EML1: variants seen among roughly 807,000 people sequenced by gnomAD.
The protein encoded by EML1 is echinoderm microtubule-associated protein-like 1.
EML1 carries 27 observed loss-of-function variants against 110.4 expected under a neutral mutation model. The ratio of observed to expected loss-of-function variants is 0.24; its 90% CI spans 0.18 to 0.34. EML1 has a LOEUF of 0.34. Ranked by LOEUF, EML1 falls within the 10% of genes least tolerant of loss-of-function variation. EML1 has a pLI of 1.00. For synonymous variants in EML1, 344 were observed against 385.8 expected (o/e 0.89, Z 1.27); for missense variants, 741 against 1,030.9 (o/e 0.72, Z 3.85).
chr14:99,740,809 A>C (rs1426309326), intron 1 of EML1, among the ~76,000 whole-genome samples: 1 of 152,150 alleles, frequency 6.6e-6, no homozygotes, highest in Non-Finnish European at 1.5e-5. Flanking sequence ...TAGGATCTGT[A>C]AGTGCTTGGC....
chr14:99,806,179 G>T (rs1380462200), intron 1 of EML1, among the ~76,000 whole-genome samples: 3 of 152,142 alleles, frequency 2.0e-5, no homozygotes, highest in Admixed American at 2.0e-4. Flanking sequence ...AAAGCCCTGG[G>T]CAAGAAGTGG....
chr14:99,753,950 G>C (rs1275628303), intron 1 of EML1, among the ~76,000 whole-genome samples: 1 of 152,176 alleles, frequency 6.6e-6, no homozygotes, highest in Non-Finnish European at 1.5e-5. Flanking sequence ...CCACTGCTAG[G>C]CTGCCAGGTG....
chr14:99,925,608 CT>C (rs777882440), intron 17 of EML1, among the ~76,000 whole-genome samples: 16 of 152,226 alleles, frequency 1.1e-4, no homozygotes, highest in Non-Finnish European at 1.5e-4. Context: ...GCACAAATAA[CT>C]TAAGCCAGTA....
rs144920969 is a variant in EML1 at position 99,871,193 on chromosome 14, A to G, written c.383+5547A>G. Among the ~76,000 whole-genome samples, 1,475 of 152,244 alleles carry G rather than the reference A, an allele frequency of 9.7e-3. 30 individuals carry two copies. Among genetic ancestry groups the G allele is most frequent in the African/African-American group, 0.034 (1,397 of 41,542 alleles). On this transcript the variant is annotated intron_variant, in intron 3 of 21. Transcript: ENST00000262233. The stretch of plus-strand genomic sequence containing the variant: ...AAGATGATCTCGATCTCTTGACCTC[A>G]TGATCTGCCCTCCTCGGCCTCTCAA...
intron 4 of EML1, among the ~76,000 whole-genome samples, chr14:99,886,937 C>T (rs945518770): frequency 6.6e-6 from 1 of 152,208 alleles, no homozygotes; most frequent in Admixed American, 6.5e-5. Context: ...ATCCCTGTGC[C>T]CAAAGTCCAC....
intron 1 of EML1, among the ~76,000 whole-genome samples, chr14:99,782,526 C>T (rs923525323): frequency 7.2e-5 from 11 of 152,068 alleles, no homozygotes; most frequent in Non-Finnish European, 1.0e-4. Flanking sequence ...CTCAGTGTGG[C>T]GAAATGTGTG....
chr14:99,778,958 G>A (rs1044489571), intron 1 of EML1, among the ~76,000 whole-genome samples: 1 of 152,150 alleles, frequency 6.6e-6, no homozygotes, highest in Admixed American at 6.5e-5. Context: ...ACAGCTGATG[G>A]ACGTAACATT....
At chr14:99,794,633 T>G (rs1277004042) in intron 1 of EML1, among the ~76,000 whole-genome samples, 1 of 152,252 alleles carries the variant, frequency 6.6e-6, no homozygotes, top group Non-Finnish European at 1.5e-5. Context: ...ATCATCTTGT[T>G]CATGGTAGAA....
At chr14:99,775,551 C>T (rs1202256080) in intron 1 of EML1, among the ~76,000 whole-genome samples, 2 of 152,162 alleles carry the variant, frequency 1.3e-5, no homozygotes, top group African/African-American at 4.8e-5. Flanking sequence ...GTGACAGATC[C>T]CACGCCAGCA....
At chr14:99,917,654 A>T (rs1461703425) in intron 15 of EML1, 128 bp from the exon 16 acceptor site, 9 of 839,042 alleles carry the variant, frequency 1.1e-5, no homozygotes, top group Non-Finnish European at 1.6e-5. Context: ...AGACTTTTCA[A>T]ATAGAGCCAT....
chr14:99,829,055 G>C (rs1157785421), intron 1 of EML1, among the ~76,000 whole-genome samples: 5 of 152,176 alleles, frequency 3.3e-5, no homozygotes, highest in Non-Finnish European at 7.3e-5. Context: ...AGTGTATATA[G>C]GGTTCAGTGC....
chr14:99,745,920 AG>A (rs2057102388), intron 1 of EML1, among the ~76,000 whole-genome samples: 1 of 152,196 alleles, frequency 6.6e-6, no homozygotes, highest in Non-Finnish European at 1.5e-5. Flanking sequence ...CAGGGAATTC[AG>A]CCAGCCTTGG....
intron 9 of EML1, among the ~76,000 whole-genome samples, chr14:99,904,073 G>T (rs977538428): frequency 6.6e-6 from 1 of 152,082 alleles, no homozygotes; most frequent in African/African-American, 2.4e-5. Context: ...GTGAGCCATC[G>T]TGCCTGGCCA....
intron 1 of EML1, among the ~76,000 whole-genome samples, chr14:99,744,604 G>C (rs2140163687): frequency 6.6e-6 from 1 of 152,348 alleles, no homozygotes; most frequent in Admixed American, 6.5e-5. Flanking sequence ...AGAGCACATT[G>C]TGTGAGCTGT....
chr14:99,888,100 A>G (rs995810643), intron 4 of EML1, among the ~76,000 whole-genome samples: 2 of 152,230 alleles, frequency 1.3e-5, no homozygotes, highest in African/African-American at 4.8e-5. Flanking sequence ...AATACAGCAT[A>G]CCACAAAGTG....
At chr14:99,763,636 A>G (rs11852230) in intron 1 of EML1, among the ~76,000 whole-genome samples, 5,580 of 152,252 alleles carry the variant, frequency 0.037, 354 homozygotes, top group African/African-American at 0.12. Context: ...CTCATGCCCA[A>G]TGAGCTTGTG....
chr14:99,898,129 TATATATTTC>T, intron 7 of EML1, 95 bp from the exon 8 acceptor site: 3 of 910,774 alleles, frequency 3.3e-6, no homozygotes, highest in Non-Finnish European at 3.1e-6. Context: ...AGTTAGGCAT[TATATATTTC>T]TTATATTTAA....
chr14:99,917,843 C>T lies in EML1; in HGVS notation c.1814C>T (p.Thr605Ile). The T allele has an allele frequency of 6.2e-7, 1 of 1,614,192 alleles. No individual in the cohort carries two copies. Among genetic ancestry groups the T allele is most frequent in the African/African-American group, 1.3e-5 (1 of 75,052 alleles). ...SGSVVAVGTL[T>I]GRWFVFDTET... Reference sequence around the variant, plus strand: ...TCTGTGGTTGCAGTCGGAACACTCACTGGGAGGTAAGTCCATGCCAACAGC... The same window carrying T: ...TCTGTGGTTGCAGTCGGAACACTCATTGGGAGGTAAGTCCATGCCAACAGC... Residue 605 changes from threonine (T) to isoleucine (I), a missense_variant, in exon 16 of 22, where the codon ACT (threonine) becomes ATT (isoleucine). Around this residue, in one of 4 missense-constraint regions of EML1, gnomAD observed 388 missense variants for 605.6 expected, o/e 0.64. Coordinates refer to ENST00000262233, the MANE Select transcript of EML1 (RefSeq NM_004434.3).
At chr14:99,769,009 C>T (rs1375680169), upstream of EML1, among the ~76,000 whole-genome samples, 19 of 152,230 alleles carry the variant, frequency 1.2e-4, no homozygotes, top group East Asian at 9.7e-4. Flanking sequence ...TAAGCCACCA[C>T]GCCTGGCCTG....
Sources: allele counts gnomAD v4.1 joint callset (sites outside exome capture counted in the v4.1 genomes callset), GRCh38; gene constraint gnomAD v4.1.1; regional missense constraint gnomAD v4.1.1; transcripts MANE v1.5; gene names NCBI Gene and HGNC (gene_info 2026-07-23, HGNC 2026-07-21).